RIBC1: variants seen among roughly 807,000 people sequenced by gnomAD.
RIBC1 encodes RIB43A-like with coiled-coils protein 1.
A neutral mutation model predicts 33.7 loss-of-function variants in RIBC1; 12 were observed. That is an observed-to-expected ratio of 0.36 (90% CI 0.23 to 0.58). The LOEUF is 0.58. Ranked by LOEUF, RIBC1 falls within the 20% of genes least tolerant of loss-of-function variation. The pLI, the probability that RIBC1 is intolerant of heterozygous loss-of-function variation, is 0.81. For synonymous variants in RIBC1, 89 were observed against 109.0 expected, an observed-to-expected ratio of 0.82 and a Z score of 1.14; for missense variants, 242 against 311.6, an observed-to-expected ratio of 0.78 and a Z score of 1.68.
rs147266612 is a variant in RIBC1 at position 53,430,464 on chromosome X, C to G, written c.732C>G (p.Ile244Met). The part of the protein sequence containing the change: ...QREQKANLAE[I>M]QHQSTSDLLT... ...AACAGAAGGCCAACCTTGCGGAGAT[C>G]CAGCACCAGAGCACGAGTGACCTAC... The change falls in exon 7 of 8, where the codon ATC (isoleucine) becomes ATG (methionine). Residue 244 changes from isoleucine to methionine, a missense_variant. Ile to Met is a conservative substitution (Grantham distance 10, BLOSUM62 1). Coordinates refer to ENST00000375327, the MANE Select transcript of RIBC1 (RefSeq NM_001031745.5). The G allele has an allele frequency of 6.6e-6, 8 of 1,209,298 alleles. No individual in the cohort carries two copies. Among genetic ancestry groups the G allele is most frequent in the African/African-American group, 1.8e-5 (1 of 57,113 alleles).
intron 2 of RIBC1, 74 bp from the exon 3 acceptor site, chrX:53,426,203 A>G: frequency 1.6e-6 from 1 of 629,209 alleles, no homozygotes; most frequent in Non-Finnish European, 2.6e-6. Flanking sequence ...TATAGGGAGA[A>G]AGGAATGGGG....
Position 53,430,382 on chromosome X carries a change from G to A in RIBC1, c.664-14G>A, listed in dbSNP as rs1175544144. ...GTTGGGCACCCAAATGTTTGCATTT[G>A]GGGGCTCCACCAGGCAGCTGTGCAG... On this transcript the variant is annotated splice_polypyrimidine_tract_variant and intron_variant, in intron 6 of 7. Coordinates refer to ENST00000375327, the MANE Select transcript of RIBC1 (RefSeq NM_001031745.5). The A allele has an allele frequency of 1.7e-6, 2 of 1,195,069 alleles. No individual in the cohort carries two copies. The highest frequency in any genetic ancestry group is 2.3e-6 in the Non-Finnish European group (2 of 884,908).
Position 53,430,649 on chromosome X carries a change from T to G in RIBC1, c.917T>G (p.Leu306Arg). The G allele has an allele frequency of 8.3e-7, 1 of 1,204,855 alleles. No homozygotes were observed. Among genetic ancestry groups the G allele is most frequent in the Middle Eastern group, 2.3e-4 (1 of 4,350 alleles). The change falls in exon 7 of 8, where the codon CTG becomes CGG. Residue 306 changes from leucine to arginine, a missense_variant. By Grantham distance (102) the Leu-to-Arg change is moderately radical. Transcript: ENST00000375327. The part of the protein sequence containing the change: ...KQAHRQAEKT[L>R]DTEWKSQTMS... ...GCACACCGTCAGGCTGAGAAAACAC[T>G]GGATACTGAATGGAAAAGCCAGACC...
chrX:53,430,331 C>G (rs1343634174), intron 6 of RIBC1, 65 bp from the exon 7 acceptor site: 1 of 948,127 alleles, frequency 1.1e-6, no homozygotes, highest in Admixed American at 2.7e-5. Context: ...CATGTTCCCC[C>G]CTCCCCTGTG....
rs1178936946 is a variant in RIBC1 at position 53,424,734 on chromosome X, C to G, written c.-1+1332C>G. 7.3e-5 allele frequency among the ~76,000 whole-genome samples: 8 copies of G among 109,966 alleles called. No individual in the cohort carries two copies. The Admixed American group carries it at 7.8e-4, about 11-fold the overall frequency. ...GGGGAAAATTAAATTGGATCCTTAT[C>G]TCACACCATACACAAAATGCAACTC... On this transcript the variant is annotated intron_variant, in intron 2 of 7. Transcript: ENST00000375327.
intron 6 of RIBC1, 53 bp from the exon 7 acceptor site, chrX:53,430,343 C>T: frequency 9.5e-7 from 1 of 1,048,264 alleles, no homozygotes. Context: ...TCCCCTGTGA[C>T]AGAGTTCCCT....
intron 7 of RIBC1, 32 bp from the exon 8 acceptor site, chrX:53,430,874 AT>A (rs1487909142): frequency 8.3e-7 from 1 of 1,210,741 alleles, no homozygotes; most frequent in Non-Finnish European, 1.1e-6. Flanking sequence ...GAGGGAAAGC[AT>A]GTCAGCTGAG....
rs1031923871 is a variant in RIBC1, at chrX:53,425,994, A to T, written c.1-283A>T. 3.6e-5 allele frequency among the ~76,000 whole-genome samples: 4 copies of T among 111,911 alleles called. No homozygotes were observed. The Admixed American group carries it at 3.8e-4, about 11-fold the overall frequency. On this transcript the variant is annotated intron_variant, in intron 2 of 7. Transcript: ENST00000375327. ...CCATGGTCAGATTTGCTTCCCAAAGATCACTCTGGTAGCCAGTGCAGAGAA... is the reference window on the plus strand; with the variant it reads ...CCATGGTCAGATTTGCTTCCCAAAGTTCACTCTGGTAGCCAGTGCAGAGAA...
chrX:53,426,352 C>T lies in RIBC1; in HGVS notation c.76C>T (p.Arg26Ter). ...GGCTAGAAGAAATCGAGAAAAAGAG[C>T]GACAAAACCGATTCTTCAATGTGCG... The part of the protein sequence containing the change: ...IEARRNREKE[R>*]QNRFFNVRNR... Residue 26 changes from arginine (R) to a stop codon, truncating the protein, a stop_gained, in exon 3 of 8, where the codon CGA becomes TGA. Coordinates refer to ENST00000375327, the MANE Select transcript of RIBC1 (RefSeq NM_001031745.5). LOFTEE classifies it high-confidence loss of function. 8.3e-7 allele frequency: 1 copy of T among 1,204,376 alleles called. No individual in the cohort carries two copies. Among genetic ancestry groups the T allele is most frequent in the Non-Finnish European group, 1.1e-6 (1 of 890,525 alleles).
rs782346908 is a variant in RIBC1 at position 53,426,394 on chromosome X, G to T, written c.117+1G>T. The stretch of plus-strand genomic sequence containing the variant: ...CAATGTGCGGAACCGAGTCATGGGG[G>T]TGAGTGGGTAGTAGGGACTGTTGCT... On this transcript the variant is annotated splice_donor_variant, in intron 3 of 7. Coordinates refer to ENST00000375327, the MANE Select transcript of RIBC1 (RefSeq NM_001031745.5). LOFTEE classifies it high-confidence loss of function. 8.7e-7 allele frequency: 1 copy of T among 1,151,157 alleles called. No individual in the cohort carries two copies. Among genetic ancestry groups the T allele is most frequent in the Non-Finnish European group, 1.2e-6 (1 of 844,261 alleles). The allele number at this position is 1,151,157 out of a possible 1,213,427, so 94.9% of individuals were successfully genotyped here. A position where few individuals can be genotyped will look rare whatever the true frequency, so the allele number is the denominator to read the frequency against.
intron 3 of RIBC1, among the ~76,000 whole-genome samples, chrX:53,426,819 C>T (rs1428348229): frequency 8.9e-6 from 1 of 111,946 alleles, no homozygotes; most frequent in African/African-American, 3.2e-5. Flanking sequence ...AACCCTGTCT[C>T]TACTGAAAAT....
At chrX:53,424,831 C>T (rs1158849849) in intron 2 of RIBC1, among the ~76,000 whole-genome samples, 1 of 105,762 alleles carries the variant, frequency 9.5e-6, no homozygotes, top group Non-Finnish European at 1.9e-5. Flanking sequence ...TTTGGGAGGC[C>T]GAGGCAGGAG....
intron 7 of RIBC1, 45 bp from the exon 8 acceptor site, chrX:53,430,862 G>C: frequency 8.3e-7 from 1 of 1,210,724 alleles, no homozygotes; most frequent in Non-Finnish European, 1.1e-6. Context: ...GAACCATGGA[G>C]AGAGGGAAAG....
At position 53,430,507 on chromosome X, in the gene RIBC1, G is replaced by A. The variant is rs1556894093; in HGVS notation, c.775G>A (p.Val259Ile). ...TSDLLTENPQVAQHPMAPYRV... is the reference protein window; with the variant it reads ...TSDLLTENPQIAQHPMAPYRV... Reference sequence around the variant, plus strand: ...TGACCTACTGACTGAAAACCCCCAGGTCGCCCAACACCCTATGGCTCCCTA... The same window carrying A: ...TGACCTACTGACTGAAAACCCCCAGATCGCCCAACACCCTATGGCTCCCTA... The change falls in exon 7 of 8, where the codon GTC (valine) becomes ATC (isoleucine). Residue 259 changes from valine (V) to isoleucine (I), a missense_variant. By Grantham distance (29) the Val-to-Ile change is conservative. Coordinates refer to ENST00000375327, the MANE Select transcript of RIBC1 (RefSeq NM_001031745.5). 8.3e-7 allele frequency: 1 copy of A among 1,208,786 alleles called. No individual in the cohort carries two copies. The highest frequency in any genetic ancestry group is 2.2e-5 in the Admixed American group (1 of 45,613).
At chrX:53,429,597 T>G in intron 5 of RIBC1, 1 of 773,275 alleles carries the variant, frequency 1.3e-6, no homozygotes. Flanking sequence ...ATGAAATGAT[T>G]TACCCAAAAT....
chrX:53,431,002 A>C lies in RIBC1; in HGVS notation c.*14A>C, dbSNP rs1656808750. On this transcript the variant is annotated 3_prime_UTR_variant, in exon 8 of 8. Transcript: ENST00000375327. The stretch of plus-strand genomic sequence containing the variant: ...AGCAGCCGCTAAGTTCAGGATGTCT[A>C]TCTCTCTCTCCCTTCTCCTCCATCA... 2 of 1,211,609 alleles carry C rather than the reference A, an allele frequency of 1.7e-6. No homozygotes were observed. The highest frequency in any genetic ancestry group is 1.8e-5 in the South Asian group (1 of 56,973).
chrX:53,426,270 G>C lies in RIBC1; in HGVS notation c.1-7G>C, dbSNP rs1556893171. 8.5e-7 allele frequency: 1 copy of C among 1,174,462 alleles called. No individual in the cohort carries two copies. The highest frequency in any genetic ancestry group is 1.2e-6 in the Non-Finnish European group (1 of 861,841). On this transcript the variant is annotated splice_region_variant and splice_polypyrimidine_tract_variant and intron_variant, in intron 2 of 7. Transcript: ENST00000375327. ...TGATGGGCCATTCCACCTCCCTTTT[G>C]CTCCAGATGTATAACATAAAACAGT...
rs1556893588 is a variant in RIBC1, at chrX:53,428,465, A to C, written c.382A>C (p.Ser128Arg). Residue 128 changes from serine (S) to arginine (R), a missense_variant, in exon 5 of 8, where the codon AGT (serine) becomes CGT (arginine). Transcript: ENST00000375327. Reference protein sequence around the residue: ...QVWKGLPTYLSYSNTYPGPAS... With the variant: ...QVWKGLPTYLRYSNTYPGPAS... ...CTGGAAGGGGCTTCCAACCTATCTT[A>C]GTTACAGTAATACCTATCCTGGTCC... 1 of 1,209,923 alleles carries C rather than the reference A, an allele frequency of 8.3e-7. No homozygotes were observed.
At chrX:53,424,888 T>C (rs2146617835) in intron 2 of RIBC1, among the ~76,000 whole-genome samples, 1 of 104,656 alleles carries the variant, frequency 9.6e-6, no homozygotes, top group South Asian at 4.5e-4. Context: ...TGAGACCCCA[T>C]CTATATTAAA....
Sources: allele counts gnomAD v4.1 joint callset (sites outside exome capture counted in the v4.1 genomes callset), GRCh38; gene constraint gnomAD v4.1.1; transcripts MANE v1.5; gene names NCBI Gene and HGNC (gene_info 2026-07-23, HGNC 2026-07-21).